Variants in PCNX3 observed in about 807,000 individuals in gnomAD.
The protein encoded by PCNX3 is pecanex-like protein 3.
Under a neutral mutation model 207.2 loss-of-function variants are expected in PCNX3, and 58 were observed. The ratio of observed to expected loss-of-function variants is 0.28; its 90% CI spans 0.23 to 0.35. PCNX3 has a LOEUF of 0.35. Among genes scored for constraint, PCNX3 ranks in the 10% least tolerant of loss-of-function variants. PCNX3 has a pLI of 1.00. For missense variants in PCNX3, 2,410 were observed against 2,774.4 expected (o/e 0.87, Z 2.95); for synonymous variants, 1,337 against 1,183.5 (o/e 1.13, Z -2.66).
Position 65,619,199 on chromosome 11 carries a change from C to T in PCNX3, c.1705+132C>T, listed in dbSNP as rs1047017384. 8.7e-5 allele frequency: 73 copies of T among 841,460 alleles called. No homozygotes were observed. The African/African-American group carries it at 1.2e-3, about 14-fold the overall frequency. 52.1% of individuals were successfully genotyped at this position (841,460 alleles called of 1,614,324 possible). ...TTGTAGGCAGCAGATGGACGTGGGC[C>T]TGGTGGTGATTGACATTGTCTGCCA... On this transcript the variant is annotated intron_variant, in intron 6 of 34. Transcript: ENST00000355703.
Position 65,637,094 on chromosome 11 carries a change from T to G in PCNX3, c.*116T>G. 2 of 1,169,292 alleles carry G rather than the reference T, an allele frequency of 1.7e-6. No individual in the cohort carries two copies. Among genetic ancestry groups the G allele is most frequent in the Admixed American group, 4.5e-5 (2 of 44,452 alleles). The allele number at this position is 1,169,292 out of a possible 1,614,324, so 72.4% of individuals were successfully genotyped here. A position where few individuals can be genotyped will look rare whatever the true frequency, so the allele number is the denominator to read the frequency against. On this transcript the variant is annotated 3_prime_UTR_variant, in exon 35 of 35. Coordinates refer to ENST00000355703, the MANE Select transcript of PCNX3 (RefSeq NM_032223.4). Reference sequence around the variant, plus strand: ...GGCCTACATGTCTGAACCCTGACCTTTGGCTGCCTTGGCCAGAGTACCAAA... The same window carrying G: ...GGCCTACATGTCTGAACCCTGACCTGTGGCTGCCTTGGCCAGAGTACCAAA...
In PCNX3 at chr11:65,634,521, G is replaced by C. The variant is rs1342540437; in HGVS notation, c.4702-17G>C. On this transcript the variant is annotated splice_polypyrimidine_tract_variant and intron_variant, in intron 28 of 34. Coordinates refer to ENST00000355703, the MANE Select transcript of PCNX3 (RefSeq NM_032223.4). ...AGGTCTGAGCTGGGCTCTGGGATGG[G>C]GGTCCTTATGCCACAGCCCGTGGAC... The C allele has an allele frequency of 3.0e-5, 47 of 1,572,926 alleles. No homozygotes were observed. Among genetic ancestry groups the C allele is most frequent in the Non-Finnish European group, 3.4e-5 (39 of 1,162,818 alleles).
At chr11:65,617,816 C>T (rs964785398) in intron 5 of PCNX3, 110 bp downstream of exon 5, 5 of 1,466,278 alleles carry the variant, frequency 3.4e-6, no homozygotes, top group South Asian at 1.3e-5. Context: ...CTCTGTGGGA[C>T]CTCCCCAGTG....
chr11:65,627,331 G>C (rs1855443639), intron 21 of PCNX3, 74 bp from the exon 22 acceptor site: 4 of 1,489,556 alleles, frequency 2.7e-6, no homozygotes, highest in Non-Finnish European at 3.6e-6. Flanking sequence ...GGCCAGAGTA[G>C]GCGAGGGATG....
chr11:65,626,969 A>G lies in PCNX3; in HGVS notation c.3445A>G (p.Ile1149Val), dbSNP rs375474765. 3.8e-6 allele frequency: 6 copies of G among 1,565,598 alleles called. No homozygotes were observed. The African/African-American group carries it at 4.1e-5, about 11-fold the overall frequency. Residue 1149 changes from isoleucine to valine, a missense_variant, in exon 21 of 35, where the codon ATC becomes GTC. Around this residue, in one of 8 missense-constraint regions of PCNX3, gnomAD observed 333 missense variants for 386.8 expected, o/e 0.86. Transcript: ENST00000355703. ...CCTGCAGTGCGTAGAGAAGTACCTC[A>G]TCTACCCCGCCGTGGTGCTCAACGC... ...AGLQCVEKYL[I>V]YPAVVLNALT...
At chr11:65,616,605 A>G in intron 1 of PCNX3, 141 bp downstream of exon 1, 1 of 1,134,862 alleles carries the variant, frequency 8.8e-7, no homozygotes, top group Non-Finnish European at 1.2e-6. Context: ...GAGGGGCCAA[A>G]GTCTTCCTTT....
Position 65,625,128 on chromosome 11 carries a change from T to G in PCNX3, c.2920-43T>G, listed in dbSNP as rs776894131. On this transcript the variant is annotated intron_variant, in intron 16 of 34. Transcript: ENST00000355703. This position sits in a 1 kb window ranked among gnomAD's most constrained non-coding sequence, Gnocchi z 5.6. ...TCACACGGGGGCAGCCCGGGCCCCA[T>G]GCTTACCTCACCTCCCCTGACCAGC... 12 of 1,563,916 alleles carry G rather than the reference T, an allele frequency of 7.7e-6. No homozygotes were observed. In the South Asian group the frequency reaches 1.0e-4, roughly 13 times the overall value.
Position 65,616,991 on chromosome 11 carries a change from G to A in PCNX3, c.321G>A (p.Gln107=). 6.2e-7 allele frequency: 1 copy of A among 1,611,290 alleles called. No homozygotes were observed. Among genetic ancestry groups the A allele is most frequent in the Non-Finnish European group, 8.5e-7 (1 of 1,179,136 alleles). The part of the protein sequence containing the change: ...TMGELEEEPA[Q]GDSNPPRDPG... ...GGGAGCTGGAGGAAGAGCCTGCCCA[G>A]GGGGACAGCAATCCACCCAGGTGGG... Residue 107 remains glutamine (Q), a synonymous_variant, in exon 2 of 35, where the codon CAG becomes CAA. Transcript: ENST00000355703.
At chr11:65,620,038 T>C in intron 8 of PCNX3, 106 bp downstream of exon 8, 3 of 1,204,528 alleles carry the variant, frequency 2.5e-6, no homozygotes, top group Non-Finnish European at 3.4e-6. Context: ...GGTACACTGC[T>C]AATGCTGCCA....
Position 65,634,527 on chromosome 11 carries a change from T to G in PCNX3, c.4702-11T>G, listed in dbSNP as rs1257447313. 6.3e-7 allele frequency: 1 copy of G among 1,579,758 alleles called. No homozygotes were observed. The highest frequency in any genetic ancestry group is 1.2e-5 in the South Asian group (1 of 86,646). ...GAGCTGGGCTCTGGGATGGGGGTCC[T>G]TATGCCACAGCCCGTGGACCAGGAT... On this transcript the variant is annotated splice_polypyrimidine_tract_variant and intron_variant, in intron 28 of 34. Transcript: ENST00000355703.
At position 65,635,660 on chromosome 11, in the gene PCNX3, C is replaced by G. The variant is rs757058274; in HGVS notation, c.5316C>G (p.Ser1772=). 1 of 1,612,588 alleles carries G rather than the reference C, an allele frequency of 6.2e-7. No homozygotes were observed. The highest frequency in any genetic ancestry group is 8.5e-7 in the Non-Finnish European group (1 of 1,179,654). The change falls in exon 32 of 35, where the codon TCC becomes TCG. Residue 1772 remains serine (S), a synonymous_variant. Transcript: ENST00000355703. This position sits in a 1 kb window ranked among gnomAD's most constrained non-coding sequence, Gnocchi z 9.9. ...KQALRNMINS[S]CDQPLGYPIY... ...CGCTTCGCAACATGATCAACTCCTC[C>G]TGTGACCAGCCGCTGGGCTACCCCA...
At chr11:65,624,402 G>C (rs1202826999) in intron 14 of PCNX3, 36 bp downstream of exon 14, 4 of 1,551,556 alleles carry the variant, frequency 2.6e-6, no homozygotes, top group East Asian at 2.4e-5. Flanking sequence ...GCCCAGGAGA[G>C]TGAGTCCCCG....
At chr11:65,630,293 G>A in intron 26 of PCNX3, 58 bp from the exon 27 acceptor site, 3 of 1,571,164 alleles carry the variant, frequency 1.9e-6, no homozygotes, top group African/African-American at 1.3e-5. Context: ...CACTCTCCCA[G>A]GACAGGGCAG....
chr11:65,619,609 A>T lies in PCNX3; in HGVS notation c.1778A>T (p.Asn593Ile), dbSNP rs1194246233. The T allele has an allele frequency of 5.0e-6, 8 of 1,606,052 alleles. No individual in the cohort carries two copies. The East Asian group carries it at 1.8e-4, about 36-fold the overall frequency. ...RRTQAIRRRH[N>I]AGSNPTPPAS... is the part of the protein sequence containing the mutation. Reference sequence around the variant, plus strand: ...ACCCAGGCCATTCGGAGACGCCACAATGCAGGCAGCAACCCCACCCCTCCA... The same window carrying T: ...ACCCAGGCCATTCGGAGACGCCACATTGCAGGCAGCAACCCCACCCCTCCA... Residue 593 changes from asparagine to isoleucine, a missense_variant, in exon 7 of 35, where the codon AAT (asparagine) becomes ATT (isoleucine). Asn to Ile is a moderately radical substitution (Grantham distance 149). This residue lies in a region of PCNX3 where 1,104 missense variants were observed against 970.3 expected (regional missense o/e 1.14). Transcript: ENST00000355703.
intron 10 of PCNX3, among the ~76,000 whole-genome samples, chr11:65,621,628 C>T (rs555233654): frequency 7.2e-5 from 11 of 152,296 alleles, no homozygotes; most frequent in African/African-American, 2.2e-4. Flanking sequence ...GAAGCGTGGC[C>T]GGCGGCCGCC....
rs115026952 is a variant in PCNX3, at chr11:65,636,008, C to T, written c.5460-166C>T. Among the ~76,000 whole-genome samples, 572 of 152,258 alleles carry T rather than the reference C, an allele frequency of 3.8e-3. 4 individuals carry two copies. Among genetic ancestry groups the T allele is most frequent in the African/African-American group, 0.013 (520 of 41,536 alleles). ...TTTAGTCATCAAGCACTGTTGACAACGCACCCTCAAAAGACTCTGCAAAGT... is the reference window on the plus strand; with the variant it reads ...TTTAGTCATCAAGCACTGTTGACAATGCACCCTCAAAAGACTCTGCAAAGT... On this transcript the variant is annotated intron_variant, in intron 32 of 34. Transcript: ENST00000355703.
chr11:65,626,900 A>T lies in PCNX3; in HGVS notation c.3380-4A>T, dbSNP rs1855421233. The T allele has an allele frequency of 6.3e-7, 1 of 1,583,318 alleles. No homozygotes were observed. The highest frequency in any genetic ancestry group is 8.6e-7 in the Non-Finnish European group (1 of 1,164,838). On this transcript the variant is annotated splice_region_variant and splice_polypyrimidine_tract_variant and intron_variant, in intron 20 of 34. Coordinates refer to ENST00000355703, the MANE Select transcript of PCNX3 (RefSeq NM_032223.4). Reference sequence around the variant, plus strand: ...AGGTGCAGAGTCCTGGCCTCTCCACACAGGTGCCGCCCAGGTGATGTGGTT... The same window carrying T: ...AGGTGCAGAGTCCTGGCCTCTCCACTCAGGTGCCGCCCAGGTGATGTGGTT...
At chr11:65,621,929 G>T (rs1855125479) in intron 10 of PCNX3, among the ~76,000 whole-genome samples, 1 of 152,216 alleles carries the variant, frequency 6.6e-6, no homozygotes, top group Non-Finnish European at 1.5e-5. Flanking sequence ...GGACTTCCTT[G>T]AGCTTCAGAA....
chr11:65,616,429 A>G lies in PCNX3; in HGVS notation c.118A>G (p.Ile40Val). Residue 40 changes from isoleucine (I) to valine (V), a missense_variant, in exon 1 of 35, where the codon ATC becomes GTC. Around this residue, in one of 8 missense-constraint regions of PCNX3, gnomAD observed 1,104 missense variants for 970.3 expected, o/e 1.14. Transcript: ENST00000355703. ...CAACTGCTTCCACCTCTATGTCTGG[A>G]TCTTCCTGCTCATCTTTCCCTTCTT... ...FSNCFHLYVW[I>V]FLLIFPFLLY... is the part of the protein sequence containing the mutation. The G allele has an allele frequency of 6.2e-7, 1 of 1,609,650 alleles. No homozygotes were observed. Among genetic ancestry groups the G allele is most frequent in the African/African-American group, 1.3e-5 (1 of 74,946 alleles).
Sources: allele counts gnomAD v4.1 joint callset (sites outside exome capture counted in the v4.1 genomes callset), GRCh38; gene constraint gnomAD v4.1.1; regional missense constraint gnomAD v4.1.1; non-coding constraint Gnocchi (gnomAD v3.1); transcripts MANE v1.5; gene names NCBI Gene and HGNC (gene_info 2026-07-23, HGNC 2026-07-21).